Variants in SCRG1 observed in about 807,000 individuals in gnomAD.
The protein encoded by SCRG1 is scrapie-responsive protein 1.
Under a neutral mutation model 7.7 loss-of-function variants are expected in SCRG1, and 3 were observed. The observed-to-expected ratio is 0.39, with a 90% CI of 0.18 to 1.01. The LOEUF (loss-of-function observed/expected upper bound fraction) is 1.01, where lower values mean the gene tolerates loss of function less well. Among genes scored for constraint, SCRG1 ranks in the 50% least tolerant of loss-of-function variants. The pLI is 0.36. For missense variants in SCRG1, 110 were observed against 117.2 expected, an observed-to-expected ratio of 0.94 and a Z score of 0.28; for synonymous variants, 46 against 41.2, an observed-to-expected ratio of 1.12 and a Z score of -0.44.
chr4:173,460,029 C>G, the SCRG1 span, among the ~76,000 whole-genome samples: 1 of 152,164 alleles, frequency 6.6e-6, no homozygotes, highest in Non-Finnish European at 1.5e-5. Flanking sequence ...ATAGAAGGCT[C>G]CACCTGTCGT....
the SCRG1 span, among the ~76,000 whole-genome samples, chr4:173,451,964 G>C: frequency 6.6e-6 from 1 of 152,250 alleles, no homozygotes; most frequent in East Asian, 1.9e-4. Flanking sequence ...GGGTTGATAG[G>C]CATCCAAGAG....
chr4:173,406,116 A>G (rs1739898147), intron 1 of SCRG1: 1 of 152,224 alleles, frequency 6.6e-6, no homozygotes, highest in African/African-American at 2.4e-5. Context: ...ATCCATTACT[A>G]CGTGAATCAT....
chr4:173,449,435 C>CTTTTTTTTTTTTTTT, the SCRG1 span, among the ~76,000 whole-genome samples: 2 of 115,932 alleles, frequency 1.7e-5, no homozygotes, highest in Non-Finnish European at 1.8e-5. Flanking sequence ...CATGATAAAT[C>CTTTTTTTTTTTTTTT]TTTTTTTTTT....
the SCRG1 span, among the ~76,000 whole-genome samples, chr4:173,482,144 C>A: frequency 2.8e-4 from 42 of 152,204 alleles, no homozygotes; most frequent in African/African-American, 9.6e-4. Flanking sequence ...AGCAGTTGGG[C>A]ATAATGGAAA....
At chr4:173,485,106 A>G in the SCRG1 span, among the ~76,000 whole-genome samples, 1 of 15,642 alleles carries the variant, frequency 6.4e-5, no homozygotes, top group African/African-American at 1.4e-4. Context: ...TATATATTAT[A>G]TATTATATAA....
At chr4:173,392,588 A>G (rs1739480234) in intron 1 of SCRG1, among the ~76,000 whole-genome samples, 1 of 152,258 alleles carries the variant, frequency 6.6e-6, no homozygotes, top group Admixed American at 6.5e-5. Flanking sequence ...AATATTAAAT[A>G]TCTATCTAAT....
the SCRG1 span, among the ~76,000 whole-genome samples, chr4:173,432,355 G>A: frequency 1.7e-5 from 2 of 117,320 alleles, no homozygotes; most frequent in Non-Finnish European, 3.3e-5. Flanking sequence ...CATGTTTCCT[G>A]ACATCTATAA....
chr4:173,462,160 CT>C, the SCRG1 span, among the ~76,000 whole-genome samples: 1 of 152,086 alleles, frequency 6.6e-6, no homozygotes, highest in African/African-American at 2.4e-5. Flanking sequence ...TAATAGAAAA[CT>C]TCCCGAACCT....
the SCRG1 span, among the ~76,000 whole-genome samples, chr4:173,424,151 C>G: frequency 6.6e-6 from 1 of 152,084 alleles, no homozygotes; most frequent in Non-Finnish European, 1.5e-5. Flanking sequence ...CCTTAATATA[C>G]AGCTCATATT....
the SCRG1 span, chr4:173,419,711 G>T: frequency 1.1e-6 from 1 of 928,914 alleles, no homozygotes; most frequent in Non-Finnish European, 1.7e-6. Flanking sequence ...TTTATTGCCA[G>T]TGGTAGTTCT....
intron 1 of SCRG1, among the ~76,000 whole-genome samples, chr4:173,394,140 C>G (rs1395451171): frequency 6.6e-6 from 1 of 151,932 alleles, no homozygotes; most frequent in Non-Finnish European, 1.5e-5. Flanking sequence ...GAAGAATTTA[C>G]TATTGCCGTT....
At chr4:173,482,218 T>G in the SCRG1 span, among the ~76,000 whole-genome samples, 1 of 152,154 alleles carries the variant, frequency 6.6e-6, no homozygotes, top group Non-Finnish European at 1.5e-5. Flanking sequence ...CTTGTGTAAC[T>G]AAATAAATAT....
At chr4:173,427,314 A>G in the SCRG1 span, among the ~76,000 whole-genome samples, 1 of 152,244 alleles carries the variant, frequency 6.6e-6, no homozygotes, top group Non-Finnish European at 1.5e-5. Context: ...TTCAGTGTGG[A>G]AAAAGCAAAA....
At chr4:173,442,707 C>T in the SCRG1 span, among the ~76,000 whole-genome samples, 1 of 152,150 alleles carries the variant, frequency 6.6e-6, no homozygotes, top group African/African-American at 2.4e-5. Context: ...CAAAGGGCCG[C>T]ATCTGGTGAG....
the SCRG1 span, among the ~76,000 whole-genome samples, chr4:173,453,907 T>C: frequency 1.3e-5 from 2 of 151,964 alleles, no homozygotes; most frequent in African/African-American, 4.8e-5. Flanking sequence ...TGAAACCCCA[T>C]CTGTACTAAA....
the SCRG1 span, among the ~76,000 whole-genome samples, chr4:173,493,603 C>A: frequency 3.0e-5 from 4 of 134,554 alleles, no homozygotes; most frequent in Middle Eastern, 3.9e-3. Flanking sequence ...GGTGACAGAG[C>A]AAGACTCAGT....
chr4:173,449,649 C>T, the SCRG1 span, among the ~76,000 whole-genome samples: 12,308 of 152,192 alleles, frequency 0.081, 587 homozygotes, highest in Non-Finnish European at 0.097. Flanking sequence ...GCTTACTATC[C>T]CCCATGCCAA....
At chr4:173,448,053 A>G in the SCRG1 span, among the ~76,000 whole-genome samples, 2 of 152,156 alleles carry the variant, frequency 1.3e-5, no homozygotes, top group African/African-American at 4.8e-5. Context: ...CCTGTGAGCC[A>G]AGATCGTGCC....
chr4:173,394,811 T>TTA (rs1268087049), intron 1 of SCRG1, among the ~76,000 whole-genome samples: 1 of 152,230 alleles, frequency 6.6e-6, no homozygotes, highest in African/African-American at 2.4e-5. Flanking sequence ...TAAATTATAG[T>TTA]TATTTTAATA....
Sources: allele counts gnomAD v4.1 joint callset (sites outside exome capture counted in the v4.1 genomes callset), GRCh38; gene constraint gnomAD v4.1.1; transcripts MANE v1.5; gene names NCBI Gene and HGNC (gene_info 2026-07-23, HGNC 2026-07-21).